The following PTPRK variants were observed in gnomAD, a reference collection of about 807,000 sequenced individuals.
PTPRK encodes the protein receptor-type tyrosine-protein phosphatase kappa.
A neutral mutation model predicts 178.0 loss-of-function variants in PTPRK; 75 were observed. That is an observed-to-expected ratio of 0.42 (90% CI 0.35 to 0.51). PTPRK has a LOEUF of 0.51. Ranked by LOEUF, PTPRK falls within the 20% of genes least tolerant of loss-of-function variation. PTPRK has a pLI of 0.02. For synonymous variants in PTPRK, 637 were observed against 620.6 expected, an observed-to-expected ratio of 1.03 and a Z score of -0.39; for missense variants, 1,441 against 1,797.8, an observed-to-expected ratio of 0.80 and a Z score of 3.59.
rs756611780 is a variant in PTPRK at position 128,009,080 on chromosome 6, C to T, written c.2333+50G>A. ...TCTTGAGAAAAACAGGTTTTTAAAA[C>T]CAGTGACATAAATGGTAAGTGAGTG... On this transcript the variant is annotated intron_variant, in intron 14 of 29. Transcript: ENST00000368226. 4 of 1,478,002 alleles carry T rather than the reference C, an allele frequency of 2.7e-6. No individual in the cohort carries two copies. The East Asian group carries it at 7.2e-5, about 27-fold the overall frequency. The allele number at this position is 1,478,002 out of a possible 1,614,324, so 91.6% of individuals were successfully genotyped here. A position where few individuals can be genotyped will look rare whatever the true frequency, so the allele number is the denominator to read the frequency against.
chr6:128,182,815 A>G (rs936048971), intron 7 of PTPRK, among the ~76,000 whole-genome samples: 2 of 152,162 alleles, frequency 1.3e-5, no homozygotes, highest in Admixed American at 6.5e-5. Context: ...CACATCTGGA[A>G]CCAATTTCAA....
chr6:128,118,285 G>A (rs1396710290), intron 7 of PTPRK, among the ~76,000 whole-genome samples: 1 of 152,134 alleles, frequency 6.6e-6, no homozygotes, highest in African/African-American at 2.4e-5. Context: ...GCGTGTCTGT[G>A]TTGCACAAAT....
chr6:128,184,420 A>G lies in PTPRK; in HGVS notation c.1162+12T>C. The G allele has an allele frequency of 1.2e-6, 2 of 1,611,174 alleles. No homozygotes were observed. The highest frequency in any genetic ancestry group is 1.7e-6 in the Non-Finnish European group (2 of 1,178,202). The stretch of plus-strand genomic sequence containing the variant: ...CTTCACAAGGTAGAAAAGGTCTGCT[A>G]CTCAGTCTTACCTGCACATTTTGTT... On this transcript the variant is annotated intron_variant, in intron 7 of 29. Transcript: ENST00000368226.
chr6:128,441,598 T>G (rs898736306), intron 1 of PTPRK, among the ~76,000 whole-genome samples: 4 of 152,152 alleles, frequency 2.6e-5, no homozygotes, highest in Admixed American at 6.6e-5. Flanking sequence ...CTCCTCTAGA[T>G]AGTGTAGAAA....
Position 128,005,896 on chromosome 6 carries a change from T to C in PTPRK, c.2334-652A>G, listed in dbSNP as rs1778357090. On this transcript the variant is annotated intron_variant, in intron 14 of 29. Coordinates refer to ENST00000368226, the MANE Select transcript of PTPRK (RefSeq NM_002844.4). The stretch of plus-strand genomic sequence containing the variant: ...CAAAATAGGTGATAGATAAAGTTTA[T>C]AGTTTTAGAGTCTGAAAAAACTTTT... 1.6e-5 allele frequency: 8 copies of C among 512,070 alleles called. No homozygotes were observed. In the South Asian group the frequency reaches 3.1e-4, roughly 20 times the overall value. 31.7% of individuals were successfully genotyped at this position (512,070 alleles called of 1,614,324 possible).
At chr6:128,350,050 T>C (rs192664924) in intron 2 of PTPRK, among the ~76,000 whole-genome samples, 1 of 152,236 alleles carries the variant, frequency 6.6e-6, no homozygotes, top group Admixed American at 6.5e-5. Context: ...GAGGCAATCA[T>C]GTACTAAGAA....
intron 7 of PTPRK, among the ~76,000 whole-genome samples, chr6:128,113,410 T>C (rs1790989826): frequency 6.7e-6 from 1 of 149,942 alleles, no homozygotes; most frequent in Non-Finnish European, 1.5e-5. Flanking sequence ...ATAACATATA[T>C]ATAGTCAGTT....
At chr6:128,189,642 T>A (rs1485958441) in intron 6 of PTPRK, among the ~76,000 whole-genome samples, 1 of 152,196 alleles carries the variant, frequency 6.6e-6, no homozygotes, top group East Asian at 1.9e-4. Context: ...AACACTAGAA[T>A]GTTTGCCCTG....
At chr6:128,175,711 G>GT (rs1199793365) in intron 7 of PTPRK, among the ~76,000 whole-genome samples, 4 of 151,632 alleles carry the variant, frequency 2.6e-5, no homozygotes, top group African/African-American at 7.3e-5. Context: ...AAAATAATGA[G>GT]TTTTTTTCTA....
chr6:128,504,365 C>A (rs1188357650), intron 1 of PTPRK, among the ~76,000 whole-genome samples: 1 of 152,144 alleles, frequency 6.6e-6, no homozygotes, highest in South Asian at 2.1e-4. Context: ...GTATAACTGT[C>A]AATGAGCAAG....
chr6:128,184,769 A>C (rs1190457763), intron 6 of PTPRK, 44 bp from the exon 7 acceptor site: 8 of 1,558,022 alleles, frequency 5.1e-6, no homozygotes, highest in Non-Finnish European at 7.0e-6. Flanking sequence ...GATTTAAAAT[A>C]ATACAAAGAT....
At chr6:128,434,148 T>C (rs1304178150) in intron 1 of PTPRK, among the ~76,000 whole-genome samples, 1 of 151,946 alleles carries the variant, frequency 6.6e-6, no homozygotes, top group Non-Finnish European at 1.5e-5. Flanking sequence ...CAAACTAGCC[T>C]CCAAAATAGC....
At chr6:128,202,059 G>A (rs1335543658) in intron 6 of PTPRK, among the ~76,000 whole-genome samples, 4 of 152,132 alleles carry the variant, frequency 2.6e-5, no homozygotes, top group South Asian at 2.1e-4. Context: ...GAAAATGGAC[G>A]AATAAAAGCA....
At chr6:128,079,773 C>T (rs1209621945) in intron 10 of PTPRK, among the ~76,000 whole-genome samples, 2 of 152,006 alleles carry the variant, frequency 1.3e-5, no homozygotes, top group Non-Finnish European at 2.9e-5. Flanking sequence ...TAGGAATTCA[C>T]ATTTTATGAA....
intron 7 of PTPRK, among the ~76,000 whole-genome samples, chr6:128,143,057 G>C (rs796587657): frequency 9.2e-5 from 14 of 152,144 alleles, no homozygotes; most frequent in African/African-American, 2.9e-4. Flanking sequence ...GTCTAAAATT[G>C]ATTGGTCCTG....
chr6:128,507,635 C>G (rs927277520), intron 1 of PTPRK, among the ~76,000 whole-genome samples: 1 of 152,076 alleles, frequency 6.6e-6, no homozygotes, highest in Non-Finnish European at 1.5e-5. Flanking sequence ...GAAGCAATAG[C>G]AGAGAGAGGG....
intron 7 of PTPRK, among the ~76,000 whole-genome samples, chr6:128,152,098 G>A (rs542119281): frequency 3.9e-4 from 59 of 152,160 alleles, no homozygotes; most frequent in African/African-American, 1.3e-3. Context: ...ACAAGGTCAG[G>A]AAGAAGGTAG....
chr6:128,268,425 G>C (rs1459757459), intron 3 of PTPRK, among the ~76,000 whole-genome samples: 1 of 151,990 alleles, frequency 6.6e-6, no homozygotes, highest in Admixed American at 6.6e-5. Flanking sequence ...TGCAGAAAAA[G>C]TGAGAGAACC....
intron 19 of PTPRK, 88 bp from the exon 20 acceptor site, chr6:127,991,479 T>A: frequency 1.1e-6 from 1 of 924,854 alleles, no homozygotes; most frequent in Non-Finnish European, 1.5e-6. Flanking sequence ...CAGAGTAAAC[T>A]AAGTAATTCC....
Sources: allele counts gnomAD v4.1 joint callset (sites outside exome capture counted in the v4.1 genomes callset), GRCh38; gene constraint gnomAD v4.1.1; transcripts MANE v1.5; gene names NCBI Gene and HGNC (gene_info 2026-07-23, HGNC 2026-07-21).